ZNF493: variants seen among roughly 807,000 people sequenced by gnomAD.
The protein encoded by ZNF493 is zinc finger protein 493.
In ZNF493, 11 loss-of-function variants were observed where a neutral mutation model predicts 12.2. The observed-to-expected ratio is 0.90, with a 90% CI of 0.57 to 1.50. The LOEUF (loss-of-function observed/expected upper bound fraction) is 1.50. Ranked by LOEUF, ZNF493 falls within the 40% of genes most tolerant of loss-of-function variation. ZNF493 has a pLI of 0.00. For missense variants in ZNF493, 950 were observed against 906.6 expected, an observed-to-expected ratio of 1.05 and a Z score of -0.61; for synonymous variants, 286 against 302.6, an observed-to-expected ratio of 0.95 and a Z score of 0.57.
intron 3 of ZNF493, among the ~76,000 whole-genome samples, chr19:21,420,973 C>G (rs963879773): frequency 6.6e-6 from 1 of 151,874 alleles, no homozygotes; most frequent in Non-Finnish European, 1.5e-5. Context: ...GTCTTGAACT[C>G]CCGACCTCAG....
chr19:21,410,074 A>G (rs1040834384), intron 3 of ZNF493, among the ~76,000 whole-genome samples: 13 of 138,658 alleles, frequency 9.4e-5, no homozygotes, highest in Non-Finnish European at 1.5e-4. Context: ...ATATATATAT[A>G]TATATATATA....
At chr19:21,407,824 T>C (rs2030183654) in intron 3 of ZNF493, 2 of 985,298 alleles carry the variant, frequency 2.0e-6, no homozygotes, top group Non-Finnish European at 2.4e-6. Flanking sequence ...CTTTTTTCAT[T>C]ATTCTGCCAC....
Position 21,423,431 on chromosome 19 carries a change from A to C in ZNF493, c.772A>C (p.Ile258Leu). Residue 258 changes from isoleucine (I) to leucine (L), a missense_variant, in exon 4 of 4, where the codon ATT (isoleucine) becomes CTT (leucine). Transcript: ENST00000392288. ...QDSNLTTHKR[I>L]HTGQKPYKCE... is the part of the protein sequence containing the mutation. Reference sequence around the variant, plus strand: ...CTCAAACCTTACTACACATAAGAGAATTCATACTGGACAGAAACCCTACAA... The same window carrying C: ...CTCAAACCTTACTACACATAAGAGACTTCATACTGGACAGAAACCCTACAA... 1 of 1,613,762 alleles carries C rather than the reference A, an allele frequency of 6.2e-7. No individual in the cohort carries two copies. The highest frequency in any genetic ancestry group is 1.1e-5 in the South Asian group (1 of 91,074).
intron 3 of ZNF493, among the ~76,000 whole-genome samples, chr19:21,406,866 A>G (rs1239701743): frequency 1.3e-5 from 2 of 152,090 alleles, no homozygotes; most frequent in African/African-American, 4.8e-5. Flanking sequence ...TGCTGAATCT[A>G]TAGATTACTT....
At chr19:21,409,520 G>A (rs1331365504) in intron 3 of ZNF493, among the ~76,000 whole-genome samples, 4 of 151,522 alleles carry the variant, frequency 2.6e-5, no homozygotes, top group Non-Finnish European at 4.4e-5. Flanking sequence ...AAAACAGGAA[G>A]ATCACTTGAG....
At chr19:21,416,812 T>A (rs557529720) in intron 3 of ZNF493, among the ~76,000 whole-genome samples, 3 of 152,314 alleles carry the variant, frequency 2.0e-5, no homozygotes, top group Admixed American at 2.0e-4. Flanking sequence ...CCCATTGTAG[T>A]CTTGAATCAG....
chr19:21,406,736 G>T (rs1354256587), intron 3 of ZNF493, among the ~76,000 whole-genome samples: 3 of 148,020 alleles, frequency 2.0e-5, no homozygotes, highest in Admixed American at 6.8e-5. Flanking sequence ...CCTCTGCTTT[G>T]TTTTTTTTTC....
At chr19:21,420,615 ATATATATATTTTTTTTTTTTTTTTT>A (rs1168998025) in intron 3 of ZNF493, among the ~76,000 whole-genome samples, 1 of 13,388 alleles carries the variant, frequency 7.5e-5, no homozygotes, top group Non-Finnish European at 1.2e-4. Context: ...ATATATATAT[ATATATATATTTTTTTTTTTTTTTTT>A]TTTTTTTTTT....
At chr19:21,408,695 G>T in intron 3 of ZNF493, 1 of 984,938 alleles carries the variant, frequency 1.0e-6, no homozygotes, top group Non-Finnish European at 1.2e-6. Context: ...TCAGCTTATC[G>T]TGGTTTTTGG....
chr19:21,398,548 G>A (rs1305961336), intron 1 of ZNF493: 2 of 354,422 alleles, frequency 5.6e-6, no homozygotes, highest in Non-Finnish European at 5.5e-6. Flanking sequence ...CAAGATAACT[G>A]CCATGGTTAT....
intron 3 of ZNF493, among the ~76,000 whole-genome samples, chr19:21,418,546 C>G (rs183236903): frequency 6.6e-6 from 1 of 152,144 alleles, no homozygotes; most frequent in Non-Finnish European, 1.5e-5. Flanking sequence ...GAGACCACCT[C>G]GGTCAGGGAG....
intron 1 of ZNF493, among the ~76,000 whole-genome samples, chr19:21,403,027 C>A (rs944707367): frequency 6.6e-6 from 1 of 152,190 alleles, no homozygotes; most frequent in Admixed American, 6.5e-5. Flanking sequence ...TATCACTGGG[C>A]CATCAGCCTT....
intron 3 of ZNF493, among the ~76,000 whole-genome samples, chr19:21,416,465 C>T (rs2030497153): frequency 6.6e-6 from 1 of 152,158 alleles, no homozygotes; most frequent in African/African-American, 2.4e-5. Flanking sequence ...CGATATACTT[C>T]AGGGGCTTTA....
intron 3 of ZNF493, chr19:21,411,870 TCTC>T (rs1044064097): frequency 6.6e-6 from 1 of 152,010 alleles, no homozygotes. Flanking sequence ...TTCAGGCAAT[TCTC>T]CTCCCTCAAT....
At chr19:21,413,436 C>G in intron 3 of ZNF493, 1 of 405,724 alleles carries the variant, frequency 2.5e-6, no homozygotes, top group Non-Finnish European at 4.3e-6. Context: ...TTAAATTGCT[C>G]ATTGTGACTG....
rs750161583 is a variant in ZNF493, at chr19:21,410,058, G to GTATATA, written c.253+4203_253+4204insATATAT. Among the ~76,000 whole-genome samples the GTATATA allele has an allele frequency of 2.6e-3, 369 of 139,808 alleles. 2 individuals carry two copies. Among genetic ancestry groups the GTATATA allele is most frequent in the African/African-American group, 8.5e-3 (318 of 37,594 alleles). 91.7% of individuals were successfully genotyped at this position (139,808 alleles called of 152,430 possible). A position where few individuals can be genotyped will look rare whatever the true frequency, so the allele number is the denominator to read the frequency against. On this transcript the variant is annotated intron_variant, in intron 3 of 3. Coordinates refer to ENST00000392288, the MANE Select transcript of ZNF493 (RefSeq NM_001076678.3). The stretch of plus-strand genomic sequence containing the variant: ...TTAAGACTGAATAATATTTCATTGT[G>GTATATA]TGTATATATATATATATATATATAT...
chr19:21,407,177 G>A (rs1455589103), intron 3 of ZNF493, among the ~76,000 whole-genome samples: 4 of 151,986 alleles, frequency 2.6e-5, no homozygotes, highest in East Asian at 1.9e-4. Context: ...GTGAAACCCC[G>A]TCTCTACTGA....
At chr19:21,399,016 C>G (rs894354647) in intron 1 of ZNF493, 7 of 154,170 alleles carry the variant, frequency 4.5e-5, no homozygotes, top group African/African-American at 1.7e-4. Flanking sequence ...CTGGGACAGT[C>G]ACCAAGAAAT....
chr19:21,408,599 A>G (rs1009235402), intron 3 of ZNF493: 20 of 985,190 alleles, frequency 2.0e-5, no homozygotes, highest in Middle Eastern at 5.2e-4. Context: ...ATGGTATATT[A>G]ATGTTGCATA....
Sources: gnomAD v4.1 joint callset for allele counts (sites outside exome capture counted in the v4.1 genomes callset) on GRCh38, gnomAD v4.1.1 for gene constraint, MANE v1.5 for transcripts, NCBI Gene and HGNC (gene_info 2026-07-23, HGNC 2026-07-21) for gene names.